Variants in ATP10B observed in about 807,000 individuals in gnomAD.
ATP10B encodes the protein phospholipid-transporting ATPase VB.
Under a neutral mutation model 141.2 loss-of-function variants are expected in ATP10B, and 122 were observed. That is an observed-to-expected ratio of 0.86 (90% CI 0.75 to 1.00). The LOEUF (loss-of-function observed/expected upper bound fraction) is 1.00, where lower values mean the gene tolerates loss of function less well. Among genes scored for constraint, ATP10B ranks in the 50% least tolerant of loss-of-function variants. The pLI is 0.00. For missense variants in ATP10B, 1,876 were observed against 1,825.3 expected, an observed-to-expected ratio of 1.03 and a Z score of -0.51; for synonymous variants, 685 against 692.0, an observed-to-expected ratio of 0.99 and a Z score of 0.16.
At chr5:160,775,225 C>T (rs1340797405) in intron 2 of ATP10B, among the ~76,000 whole-genome samples, 1 of 152,222 alleles carries the variant, frequency 6.6e-6, no homozygotes, top group African/African-American at 2.4e-5. Flanking sequence ...ACTCTATTTC[C>T]AGGGGCTGAA....
intron 1 of ATP10B, among the ~76,000 whole-genome samples, chr5:160,808,777 G>A (rs1024949883): frequency 6.6e-6 from 1 of 152,150 alleles, no homozygotes; most frequent in African/African-American, 2.4e-5. Context: ...AGAAATGTAT[G>A]CTCACTTTCT....
intron 7 of ATP10B, among the ~76,000 whole-genome samples, chr5:160,660,059 G>A (rs1439900165): frequency 6.6e-6 from 1 of 152,150 alleles, no homozygotes; most frequent in Admixed American, 6.5e-5. Flanking sequence ...GTGGTGTAAT[G>A]CAGTGGATAA....
intron 3 of ATP10B, among the ~76,000 whole-genome samples, chr5:160,709,650 G>A (rs1765239215): frequency 1.5e-5 from 2 of 133,426 alleles, no homozygotes; most frequent in Non-Finnish European, 3.2e-5. Context: ...GGGTACATGT[G>A]CACATTGTGC....
chr5:160,734,712 C>T (rs1301421726), intron 2 of ATP10B, among the ~76,000 whole-genome samples: 1 of 151,868 alleles, frequency 6.6e-6, no homozygotes, highest in East Asian at 1.9e-4. Flanking sequence ...CAAAAGAACA[C>T]ATTGAAACAG....
chr5:160,814,208 C>T (rs1773413116), intron 1 of ATP10B, among the ~76,000 whole-genome samples: 1 of 151,964 alleles, frequency 6.6e-6, no homozygotes, highest in Non-Finnish European at 1.5e-5. Context: ...AAGTTCGAAC[C>T]CATGGCAAAG....
chr5:160,809,268 C>G (rs1772983488), intron 1 of ATP10B, among the ~76,000 whole-genome samples: 1 of 152,162 alleles, frequency 6.6e-6, no homozygotes, highest in African/African-American at 2.4e-5. Context: ...AAAACAGACT[C>G]TGCTGGCCAA....
intron 13 of ATP10B, among the ~76,000 whole-genome samples, chr5:160,631,555 A>G (rs2127661669): frequency 6.6e-6 from 1 of 152,374 alleles, no homozygotes; most frequent in East Asian, 1.9e-4. Context: ...TAACTATTTA[A>G]AACTTATTTT....
chr5:160,730,623 C>T (rs953110266), intron 2 of ATP10B, among the ~76,000 whole-genome samples: 1 of 152,140 alleles, frequency 6.6e-6, no homozygotes, highest in African/African-American at 2.4e-5. Flanking sequence ...CATGTGCACA[C>T]TGCCCACAAA....
intron 24 of ATP10B, among the ~76,000 whole-genome samples, chr5:160,588,406 G>A (rs1756055732): frequency 6.6e-6 from 1 of 152,124 alleles, no homozygotes; most frequent in South Asian, 2.1e-4. Flanking sequence ...GTGGGAGGCT[G>A]GGGTGGAGAG....
intron 6 of ATP10B, among the ~76,000 whole-genome samples, chr5:160,678,415 T>C (rs756281773): frequency 6.6e-6 from 1 of 152,162 alleles, no homozygotes; most frequent in African/African-American, 2.4e-5. Context: ...TACCAGCACT[T>C]TGGGAGACCG....
chr5:160,571,136 T>C (rs1754850880), intron 24 of ATP10B, among the ~76,000 whole-genome samples: 1 of 152,158 alleles, frequency 6.6e-6, no homozygotes, highest in Non-Finnish European at 1.5e-5. Context: ...TCACAGTCTT[T>C]TCAAAGATTG....
intron 7 of ATP10B, among the ~76,000 whole-genome samples, chr5:160,662,537 C>A (rs923099522): frequency 6.6e-6 from 1 of 152,142 alleles, no homozygotes; most frequent in Admixed American, 6.5e-5. Flanking sequence ...GAAAAACAAG[C>A]AATGGGGAAA....
At chr5:160,795,137 A>G (rs913551584) in intron 1 of ATP10B, among the ~76,000 whole-genome samples, 1 of 152,242 alleles carries the variant, frequency 6.6e-6, no homozygotes, top group Non-Finnish European at 1.5e-5. Flanking sequence ...ATGGTACATA[A>G]GCTATTTCAT....
At chr5:160,794,571 G>A (rs866679396) in intron 1 of ATP10B, among the ~76,000 whole-genome samples, 42 of 152,252 alleles carry the variant, frequency 2.8e-4, no homozygotes, top group African/African-American at 9.4e-4. Flanking sequence ...AGTAAACTGT[G>A]GTGGTACATT....
At chr5:160,899,454 T>G in the ATP10B span, among the ~76,000 whole-genome samples, 1 of 152,148 alleles carries the variant, frequency 6.6e-6, no homozygotes, top group African/African-American at 2.4e-5. Flanking sequence ...GTGACGGATG[T>G]GTTTTTGGTC....
intron 14 of ATP10B, 104 bp from the exon 15 acceptor site, chr5:160,621,054 G>T (rs917544912): frequency 5.1e-6 from 7 of 1,370,966 alleles, no homozygotes; most frequent in African/African-American, 1.4e-5. Flanking sequence ...AGTGAAGCCA[G>T]ATATTTTCCT....
chr5:160,793,252 G>A (rs906531722), intron 1 of ATP10B, among the ~76,000 whole-genome samples: 2 of 149,528 alleles, frequency 1.3e-5, no homozygotes, highest in African/African-American at 4.9e-5. Flanking sequence ...AGACAATTCT[G>A]CTGAGCATGC....
chr5:160,601,130 T>C (rs1043407358), intron 21 of ATP10B, among the ~76,000 whole-genome samples: 1 of 152,208 alleles, frequency 6.6e-6, no homozygotes, highest in Admixed American at 6.5e-5. Context: ...TCAAGTCAGA[T>C]GGAGTGACTT....
the ATP10B span, among the ~76,000 whole-genome samples, chr5:160,873,419 G>C: frequency 3.3e-5 from 5 of 152,186 alleles, 1 homozygote; most frequent in African/African-American, 1.2e-4. Flanking sequence ...CATAATAAAA[G>C]GTACACAGGT....
Sources: gnomAD v4.1 joint callset for allele counts (sites outside exome capture counted in the v4.1 genomes callset) on GRCh38, gnomAD v4.1.1 for gene constraint, MANE v1.5 for transcripts, NCBI Gene and HGNC (gene_info 2026-07-23, HGNC 2026-07-21) for gene names.